Variants in SNX4 observed in about 807,000 individuals in gnomAD.
SNX4 encodes sorting nexin 4.
In SNX4, 49 loss-of-function variants were observed where a neutral mutation model predicts 70.8. That is an observed-to-expected ratio of 0.69 (90% CI 0.55 to 0.88). SNX4 has a LOEUF of 0.88. SNX4 is among the 40% of genes least tolerant of loss of function. SNX4 has a pLI of 0.00. For synonymous variants in SNX4, 206 were observed against 183.8 expected (o/e 1.12, Z -0.98); for missense variants, 528 against 544.8 (o/e 0.97, Z 0.31).
chr3:125,461,959 T>C (rs1487639967), intron 9 of SNX4, among the ~76,000 whole-genome samples: 1 of 152,186 alleles, frequency 6.6e-6, no homozygotes, highest in African/African-American at 2.4e-5. Flanking sequence ...GGCCATTTTA[T>C]ACTAATTCTT....
chr3:125,519,928 C>G, intron 1 of SNX4, 104 bp downstream of exon 1: 2 of 1,127,694 alleles, frequency 1.8e-6, no homozygotes, highest in Non-Finnish European at 2.4e-6. Flanking sequence ...CCTCCTCGGC[C>G]GAGCCCACTG....
chr3:125,490,740 C>T (rs568128978), intron 5 of SNX4, among the ~76,000 whole-genome samples: 1 of 151,116 alleles, frequency 6.6e-6, no homozygotes, highest in African/African-American at 2.4e-5. Flanking sequence ...AAAATGTATA[C>T]GTAACACATC....
chr3:125,475,421 C>G lies in SNX4; in HGVS notation c.788+1274G>C, dbSNP rs113967316. ...ACTCTGCCGCCCAGGCTGGAGTGCACTGGTGTGATCTCAGCTCACTGCAAC... is the reference window on the plus strand; with the variant it reads ...ACTCTGCCGCCCAGGCTGGAGTGCAGTGGTGTGATCTCAGCTCACTGCAAC... On this transcript the variant is annotated intron_variant, in intron 8 of 13. Coordinates refer to ENST00000251775, the MANE Select transcript of SNX4 (RefSeq NM_003794.4). 6.7e-3 allele frequency among the ~76,000 whole-genome samples: 1,018 copies of G among 152,158 alleles called. 3 individuals carry two copies. Among genetic ancestry groups the G allele is most frequent in the Middle Eastern group, 0.017 (5 of 294 alleles).
chr3:125,493,859 G>A (rs188847672), intron 5 of SNX4, among the ~76,000 whole-genome samples: 5 of 151,028 alleles, frequency 3.3e-5, no homozygotes, highest in East Asian at 3.9e-4. Context: ...GTGAAACCCC[G>A]TCTCTACTAA....
At chr3:125,495,250 T>TTTTATATATATATATATATATATATATA (rs869243473) in intron 5 of SNX4, among the ~76,000 whole-genome samples, 1 of 38,158 alleles carries the variant, frequency 2.6e-5, no homozygotes, top group Non-Finnish European at 6.2e-5. Flanking sequence ...CATTCTCTCT[T>TTTTATATATATATATATATATATATATA]TATATATATA....
chr3:125,484,072 T>C (rs1182515532), intron 6 of SNX4, among the ~76,000 whole-genome samples: 3 of 152,188 alleles, frequency 2.0e-5, no homozygotes, highest in Non-Finnish European at 2.9e-5. Context: ...CCTGAAATAC[T>C]ATCTATCTAA....
intron 1 of SNX4, among the ~76,000 whole-genome samples, chr3:125,519,252 T>C (rs900992366): frequency 6.6e-5 from 10 of 152,240 alleles, no homozygotes; most frequent in Middle Eastern, 3.4e-3. Context: ...TTGAATTGTA[T>C]ATGCAAACAC....
chr3:125,506,527 GAGAC>G (rs1462554839), intron 1 of SNX4, among the ~76,000 whole-genome samples: 1 of 109,076 alleles, frequency 9.2e-6, no homozygotes. Context: ...TTTTTTTTCT[GAGAC>G]AGTCTTGCTC....
At chr3:125,489,235 C>T (rs1934599091) in intron 6 of SNX4, among the ~76,000 whole-genome samples, 173 bp downstream of exon 6, 7 of 152,092 alleles carry the variant, frequency 4.6e-5, no homozygotes, top group Admixed American at 4.6e-4. Context: ...AATCATACCC[C>T]CAATCAAGTT....
At chr3:125,476,623 G>T in intron 8 of SNX4, 72 bp downstream of exon 8, 2 of 920,076 alleles carry the variant, frequency 2.2e-6, no homozygotes, top group Non-Finnish European at 3.5e-6. Context: ...ACTCATAAAT[G>T]TTCAAGAATT....
Position 125,447,580 on chromosome 3 carries a change from C to T in SNX4, c.*199G>A. 1 of 429,506 alleles carries T rather than the reference C, an allele frequency of 2.3e-6. No homozygotes were observed. Among genetic ancestry groups the T allele is most frequent in the Non-Finnish European group, 4.0e-6 (1 of 248,208 alleles). The allele number at this position is 429,506 out of a possible 1,614,324, so 26.6% of individuals were successfully genotyped here. On this transcript the variant is annotated 3_prime_UTR_variant, in exon 14 of 14. Transcript: ENST00000251775. ...TGGAATCAGCACCAGTCCCCAAAACCTCAAATTATAATATTTAATCTTCAT... is the reference window on the plus strand; with the variant it reads ...TGGAATCAGCACCAGTCCCCAAAACTTCAAATTATAATATTTAATCTTCAT...
chr3:125,501,619 TA>T (rs79800894), intron 2 of SNX4, among the ~76,000 whole-genome samples: 627 of 133,442 alleles, frequency 4.7e-3, no homozygotes, highest in Middle Eastern at 0.019. Flanking sequence ...GACTCCACCT[TA>T]AAAAAAAAAA....
chr3:125,464,161 TACC>T (rs2107532663), intron 9 of SNX4, among the ~76,000 whole-genome samples: 1 of 152,306 alleles, frequency 6.6e-6, no homozygotes, highest in East Asian at 1.9e-4. Flanking sequence ...GCATAATCAT[TACC>T]ACCACCCACC....
At chr3:125,488,180 A>C (rs975725645) in intron 6 of SNX4, among the ~76,000 whole-genome samples, 1 of 150,702 alleles carries the variant, frequency 6.6e-6, no homozygotes, top group African/African-American at 2.4e-5. Context: ...ATTAAAAAAA[A>C]AAAAAAAAAA....
chr3:125,457,298 T>A lies in SNX4; in HGVS notation c.1012A>T (p.Lys338Ter). ...LEMAAQDLAS[K>*]KQQCEELVTG... Reference sequence around the variant, plus strand: ...ACCAGTTCCTCACACTGCTGCTTCTTGGATGCTAAGTCCTGAGCAGCCATC... The same window carrying A: ...ACCAGTTCCTCACACTGCTGCTTCTAGGATGCTAAGTCCTGAGCAGCCATC... Residue 338 changes from lysine (K) to a stop codon, truncating the protein, a stop_gained, in exon 11 of 14, where the codon AAG becomes TAG. Transcript: ENST00000251775. LOFTEE classifies it high-confidence loss of function. 1 of 1,614,078 alleles carries A rather than the reference T, an allele frequency of 6.2e-7. No individual in the cohort carries two copies. Among genetic ancestry groups the A allele is most frequent in the Non-Finnish European group, 8.5e-7 (1 of 1,179,950 alleles).
chr3:125,503,138 C>A (rs1934968387), intron 2 of SNX4, among the ~76,000 whole-genome samples: 1 of 152,050 alleles, frequency 6.6e-6, no homozygotes, highest in Admixed American at 6.5e-5. Context: ...AACTCCTGAC[C>A]TCAGGTGATC....
intron 1 of SNX4, among the ~76,000 whole-genome samples, chr3:125,505,981 T>C (rs1935034673): frequency 6.6e-6 from 1 of 152,060 alleles, no homozygotes. Flanking sequence ...TGAGGACAAT[T>C]AGAAAATAAT....
At chr3:125,461,127 G>A (rs1477267305) in intron 9 of SNX4, among the ~76,000 whole-genome samples, 5 of 152,190 alleles carry the variant, frequency 3.3e-5, no homozygotes, top group Admixed American at 3.3e-4. Flanking sequence ...TTGGGAGGCT[G>A]AGGCAGGAGA....
At chr3:125,502,751 G>A (rs1264419092) in intron 2 of SNX4, among the ~76,000 whole-genome samples, 1 of 150,702 alleles carries the variant, frequency 6.6e-6, no homozygotes, top group Non-Finnish European at 1.5e-5. Context: ...CTACTTGGGA[G>A]GCTAAGGCAG....
Sources: gnomAD v4.1 joint callset for allele counts (sites outside exome capture counted in the v4.1 genomes callset) on GRCh38, gnomAD v4.1.1 for gene constraint, MANE v1.5 for transcripts, NCBI Gene and HGNC (gene_info 2026-07-23, HGNC 2026-07-21) for gene names.